Variants in FHIT observed in about 807,000 individuals in gnomAD.
FHIT encodes fragile histidine triad diadenosine triphosphatase, also known as bis(5'-adenosyl)-triphosphatase.
Under a neutral mutation model 17.9 loss-of-function variants are expected in FHIT, and 19 were observed. That is an observed-to-expected ratio of 1.06 (90% CI 0.74 to 1.56). The LOEUF (loss-of-function observed/expected upper bound fraction) is 1.56. Among genes scored for constraint, FHIT ranks in the 40% most tolerant of loss-of-function variants. The pLI, the probability that FHIT is intolerant of heterozygous loss-of-function variation, is 0.00. For synonymous variants in FHIT, 81 were observed against 69.7 expected (o/e 1.16, Z -0.81); for missense variants, 248 against 189.2 (o/e 1.31, Z -1.82).
At chr3:60,521,537 G>A (rs974886484) in intron 5 of FHIT, among the ~76,000 whole-genome samples, 6 of 152,124 alleles carry the variant, frequency 3.9e-5, no homozygotes, top group Non-Finnish European at 7.3e-5. Context: ...ATGAGCCACT[G>A]TGCCCGGCCA....
chr3:60,716,793 CGTGA>C (rs1156630754), intron 4 of FHIT, among the ~76,000 whole-genome samples: 4 of 152,290 alleles, frequency 2.6e-5, no homozygotes, highest in African/African-American at 9.6e-5. Context: ...ACCACAAGCA[CGTGA>C]GTAATTCGTG....
At chr3:60,250,474 A>C (rs1705643163) in intron 5 of FHIT, among the ~76,000 whole-genome samples, 1 of 152,180 alleles carries the variant, frequency 6.6e-6, no homozygotes, top group Non-Finnish European at 1.5e-5. Context: ...CATCTGTTGA[A>C]GTCATGGGTG....
chr3:60,940,355 G>A (rs1190612948), intron 3 of FHIT, among the ~76,000 whole-genome samples: 4 of 149,236 alleles, frequency 2.7e-5, no homozygotes, highest in African/African-American at 1.0e-4. Flanking sequence ...AAAATCTAAA[G>A]AAGACAATTA....
chr3:59,809,729 C>T (rs1361655536), intron 8 of FHIT, among the ~76,000 whole-genome samples: 1 of 152,048 alleles, frequency 6.6e-6, no homozygotes, highest in Non-Finnish European at 1.5e-5. Flanking sequence ...TGCTTGTTTC[C>T]AGGAGAAGAG....
At chr3:61,005,172 C>T (rs1447369480) in intron 3 of FHIT, among the ~76,000 whole-genome samples, 2 of 152,208 alleles carry the variant, frequency 1.3e-5, no homozygotes, top group Admixed American at 6.5e-5. Flanking sequence ...AGATATGTTG[C>T]CTATAATTAT....
intron 5 of FHIT, among the ~76,000 whole-genome samples, chr3:60,122,538 G>C (rs953940670): frequency 6.6e-6 from 1 of 152,162 alleles, no homozygotes; most frequent in Non-Finnish European, 1.5e-5. Context: ...CTAGCCACAA[G>C]AACAGAGGAG....
At chr3:59,927,076 A>G (rs931096399) in intron 7 of FHIT, among the ~76,000 whole-genome samples, 2 of 152,232 alleles carry the variant, frequency 1.3e-5, no homozygotes, top group Non-Finnish European at 2.9e-5. Context: ...AACTCAAATG[A>G]CTATCAACTG....
chr3:60,159,134 G>A (rs76359818), intron 5 of FHIT, among the ~76,000 whole-genome samples: 8,579 of 151,992 alleles, frequency 0.056, 301 homozygotes, highest in Middle Eastern at 0.16. Flanking sequence ...GAGGGGAGGG[G>A]GTTTGAAAGA....
intron 4 of FHIT, among the ~76,000 whole-genome samples, chr3:60,552,029 A>T (rs2036576903): frequency 6.6e-6 from 1 of 151,676 alleles, no homozygotes; most frequent in Non-Finnish European, 1.5e-5. Context: ...CTACTATTCT[A>T]CTTTCTGTCT....
chr3:60,363,313 T>C (rs200259522), intron 5 of FHIT, among the ~76,000 whole-genome samples: 5 of 152,126 alleles, frequency 3.3e-5, no homozygotes, highest in East Asian at 1.9e-4. Context: ...AAATTACCTA[T>C]AATTTTGCTT....
At chr3:60,653,802 T>C (rs1259205622) in intron 4 of FHIT, among the ~76,000 whole-genome samples, 1 of 152,192 alleles carries the variant, frequency 6.6e-6, no homozygotes, top group Non-Finnish European at 1.5e-5. Flanking sequence ...CAATTGTCTT[T>C]TGAGGGCAAA....
chr3:60,730,606 T>C (rs1553710873), intron 4 of FHIT: 2 of 153,270 alleles, frequency 1.3e-5, no homozygotes, highest in Admixed American at 6.6e-5. Context: ...GTCAGGAGAG[T>C]GTTCTGGAGC....
intron 5 of FHIT, among the ~76,000 whole-genome samples, chr3:60,491,878 T>G (rs1187401176): frequency 6.6e-6 from 1 of 152,182 alleles, no homozygotes; most frequent in Non-Finnish European, 1.5e-5. Flanking sequence ...ATAACAATAT[T>G]TGATTTAATA....
chr3:60,015,663 G>A (rs78321348), intron 5 of FHIT, among the ~76,000 whole-genome samples: 2,370 of 152,156 alleles, frequency 0.016, 33 homozygotes, highest in Non-Finnish European at 0.024. Context: ...CCACAGCAAG[G>A]GTGACAACCA....
intron 5 of FHIT, among the ~76,000 whole-genome samples, chr3:60,302,511 C>G (rs886673143): frequency 6.6e-6 from 1 of 152,032 alleles, no homozygotes; most frequent in Non-Finnish European, 1.5e-5. Flanking sequence ...TAGAAAATGC[C>G]TCTAATGCAA....
intron 2 of FHIT, among the ~76,000 whole-genome samples, chr3:61,161,208 CT>C (rs767907012): frequency 4.5e-3 from 627 of 138,882 alleles, no homozygotes; most frequent in Non-Finnish European, 4.4e-3. Flanking sequence ...AAACAAATTG[CT>C]TTTTTTTTTT....
At chr3:60,152,479 G>A (rs972895749) in intron 5 of FHIT, among the ~76,000 whole-genome samples, 7 of 152,190 alleles carry the variant, frequency 4.6e-5, no homozygotes, top group Non-Finnish European at 1.0e-4. Flanking sequence ...AGAGATCAGG[G>A]TATGAATACC....
intron 4 of FHIT, among the ~76,000 whole-genome samples, chr3:60,655,035 T>C (rs1326993258): frequency 9.9e-5 from 15 of 152,088 alleles, no homozygotes; most frequent in Admixed American, 9.8e-4. Flanking sequence ...GCAAGCCCAA[T>C]AGAAGTTGAG....
intron 5 of FHIT, among the ~76,000 whole-genome samples, chr3:60,111,174 T>C (rs1015941823): frequency 4.6e-5 from 7 of 152,200 alleles, no homozygotes; most frequent in Admixed American, 1.3e-4. Flanking sequence ...TCACCGCATA[T>C]TGATTTTTCT....
Sources: gnomAD v4.1 joint callset for allele counts (sites outside exome capture counted in the v4.1 genomes callset) on GRCh38, gnomAD v4.1.1 for gene constraint, MANE v1.5 for transcripts, NCBI Gene and HGNC (gene_info 2026-07-23, HGNC 2026-07-21) for gene names.